Variants in PTPRE observed in about 807,000 individuals in gnomAD.
The protein encoded by PTPRE is receptor-type tyrosine-protein phosphatase epsilon.
In PTPRE, 51 loss-of-function variants were observed where a neutral mutation model predicts 102.0. The ratio of observed to expected loss-of-function variants is 0.50; its 90% CI spans 0.40 to 0.63. PTPRE has a LOEUF of 0.63. Ranked by LOEUF, PTPRE falls within the 30% of genes least tolerant of loss-of-function variation. The pLI, the probability that PTPRE is intolerant of heterozygous loss-of-function variation, is 0.00. For synonymous variants in PTPRE, 345 were observed against 348.2 expected, an observed-to-expected ratio of 0.99 and a Z score of 0.10; for missense variants, 752 against 915.1, an observed-to-expected ratio of 0.82 and a Z score of 2.30.
intron 1 of PTPRE, among the ~76,000 whole-genome samples, chr10:127,978,047 G>A (rs774187701): frequency 6.6e-6 from 1 of 152,118 alleles, no homozygotes; most frequent in Admixed American, 6.5e-5. Flanking sequence ...TGGCCATCCC[G>A]GGGCTTTCCT....
intron 2 of PTPRE, among the ~76,000 whole-genome samples, chr10:128,018,453 G>C (rs116102399): frequency 0.015 from 2,291 of 152,300 alleles, 59 homozygotes; most frequent in African/African-American, 0.051. Context: ...CTGTCTTGTG[G>C]TCCAATCAAA....
intron 2 of PTPRE, among the ~76,000 whole-genome samples, chr10:128,021,890 G>C (rs552672924): frequency 2.0e-4 from 30 of 152,338 alleles, no homozygotes; most frequent in African/African-American, 5.5e-4. Flanking sequence ...GACTCTGATG[G>C]CGAGTCTTCA....
chr10:128,016,871 C>G (rs967135717), intron 2 of PTPRE, among the ~76,000 whole-genome samples: 1 of 152,202 alleles, frequency 6.6e-6, no homozygotes, highest in African/African-American at 2.4e-5. Flanking sequence ...GACCTGTGGC[C>G]GCTGTGGAGC....
At chr10:128,065,809 G>A (rs752855402) in intron 10 of PTPRE, among the ~76,000 whole-genome samples, 2 of 152,204 alleles carry the variant, frequency 1.3e-5, no homozygotes, top group Admixed American at 6.5e-5. Context: ...TATGGGATTC[G>A]TGAATGAATG....
intron 2 of PTPRE, among the ~76,000 whole-genome samples, chr10:127,985,629 T>C (rs939254262): frequency 3.3e-5 from 5 of 152,172 alleles, no homozygotes; most frequent in African/African-American, 9.7e-5. Context: ...TGGTTATCAC[T>C]GCTACTCTTA....
intron 1 of PTPRE, among the ~76,000 whole-genome samples, chr10:127,980,196 A>G (rs1242955630): frequency 6.6e-6 from 1 of 152,154 alleles, no homozygotes; most frequent in Admixed American, 6.5e-5. Context: ...GTTCCACTGC[A>G]CCCTGGAAAC....
chr10:127,912,012 G>A (rs35251673), intron 1 of PTPRE, among the ~76,000 whole-genome samples: 11,375 of 152,144 alleles, frequency 0.075, 467 homozygotes, highest in Non-Finnish European at 0.085. Context: ...GAGCAGTTGC[G>A]GGGTCGTTCG....
Position 128,047,429 on chromosome 10 carries a change from G to C in PTPRE, c.149G>C (p.Trp50Ser). Residue 50 changes from tryptophan to serine, a missense_variant, in exon 4 of 21, where the codon TGG becomes TCG. By Grantham distance (177) the Trp-to-Ser change is radical. Coordinates refer to ENST00000254667, the MANE Select transcript of PTPRE (RefSeq NM_006504.6). Reference protein sequence around the residue: ...DPGASQPLLAWLLLPLLLLLL... With the variant: ...DPGASQPLLASLLLPLLLLLL... ...GGCGCCTCCCAGCCGCTGCTGGCCT[G>C]GCTGCTACTGCCGCTGCTGCTCCTC... 3 of 1,613,226 alleles carry C rather than the reference G, an allele frequency of 1.9e-6. No individual in the cohort carries two copies. The South Asian group carries it at 3.3e-5, about 18-fold the overall frequency.
chr10:127,947,916 T>A (rs970455272), intron 1 of PTPRE, among the ~76,000 whole-genome samples: 3 of 152,102 alleles, frequency 2.0e-5, no homozygotes, highest in Non-Finnish European at 4.4e-5. Context: ...CCACCCTAAT[T>A]AGAGGGGTTG....
At chr10:128,068,007 C>T (rs1850422877) in intron 11 of PTPRE, 116 bp from the exon 12 acceptor site, 1 of 1,198,986 alleles carries the variant, frequency 8.3e-7, no homozygotes, top group African/African-American at 1.5e-5. Context: ...TGGATGGGCC[C>T]CTCCCCTACG....
intron 1 of PTPRE, among the ~76,000 whole-genome samples, chr10:127,932,613 G>A (rs954214849): frequency 2.6e-5 from 4 of 152,304 alleles, no homozygotes; most frequent in East Asian, 3.9e-4. Context: ...GGAGAAGGGC[G>A]CCTGTGCTCT....
chr10:128,035,576 T>C (rs1234580770), intron 2 of PTPRE, among the ~76,000 whole-genome samples: 1 of 152,166 alleles, frequency 6.6e-6, no homozygotes, highest in Non-Finnish European at 1.5e-5. Flanking sequence ...CCTGCTTCCT[T>C]GAGAAGAACC....
Position 128,045,547 on chromosome 10 carries a change from G to A in PTPRE, c.110-1843G>A, listed in dbSNP as rs569459956. Among the ~76,000 whole-genome samples the A allele has an allele frequency of 2.6e-5, 4 of 152,328 alleles. No individual in the cohort carries two copies. In the East Asian group the frequency reaches 5.8e-4, roughly 22 times the overall value. On this transcript the variant is annotated intron_variant, in intron 3 of 20. Transcript: ENST00000254667. The stretch of plus-strand genomic sequence containing the variant: ...AGGGAGGAGGGGGACCGAGGCCCAA[G>A]CTTTCTGGCTGAGTCTGGAGTGTGA...
intron 1 of PTPRE, among the ~76,000 whole-genome samples, chr10:127,950,488 G>A (rs1015629129): frequency 1.3e-5 from 2 of 152,176 alleles, no homozygotes; most frequent in Non-Finnish European, 2.9e-5. Flanking sequence ...CACACTAGGA[G>A]GGTCCAGAAG....
intron 7 of PTPRE, among the ~76,000 whole-genome samples, chr10:128,056,800 G>A (rs925990122): frequency 7.2e-5 from 11 of 152,258 alleles, no homozygotes; most frequent in South Asian, 4.1e-4. Flanking sequence ...GAGAGCAGAC[G>A]GATGTGTGCG....
At chr10:127,925,588 G>A (rs1481543414) in intron 1 of PTPRE, among the ~76,000 whole-genome samples, 2 of 152,188 alleles carry the variant, frequency 1.3e-5, no homozygotes, top group African/African-American at 4.8e-5. Flanking sequence ...AACCATGGTC[G>A]AGGCCAGGCC....
intron 3 of PTPRE, among the ~76,000 whole-genome samples, chr10:128,043,369 C>G (rs780040977): frequency 3.9e-5 from 6 of 152,194 alleles, no homozygotes; most frequent in Admixed American, 6.5e-5. Flanking sequence ...ACCTAGATCC[C>G]TGGCATGCGC....
intron 6 of PTPRE, among the ~76,000 whole-genome samples, chr10:128,053,054 G>A (rs1345972841): frequency 6.6e-6 from 1 of 152,146 alleles, no homozygotes; most frequent in Non-Finnish European, 1.5e-5. Context: ...TTCCAGACCA[G>A]CCTGTCCAAC....
chr10:128,041,833 G>A (rs1379188022), intron 3 of PTPRE, among the ~76,000 whole-genome samples: 1 of 151,992 alleles, frequency 6.6e-6, no homozygotes, highest in African/African-American at 2.4e-5. Context: ...GGGGGTGGGG[G>A]CTTGTGAACA....
Sources: gnomAD v4.1 joint callset for allele counts (sites outside exome capture counted in the v4.1 genomes callset) on GRCh38, gnomAD v4.1.1 for gene constraint, MANE v1.5 for transcripts, NCBI Gene and HGNC (gene_info 2026-07-23, HGNC 2026-07-21) for gene names.